The following KIAA1549L variants were observed in gnomAD, a reference collection of about 807,000 sequenced individuals.
The protein encoded by KIAA1549L is UPF0606 protein KIAA1549L.
Under a neutral mutation model 160.7 loss-of-function variants are expected in KIAA1549L, and 88 were observed. The ratio of observed to expected loss-of-function variants is 0.55; its 90% CI spans 0.46 to 0.65. KIAA1549L has a LOEUF of 0.65. KIAA1549L is among the 30% of genes least tolerant of loss of function. The pLI, the probability that KIAA1549L is intolerant of heterozygous loss-of-function variation, is 0.00. For missense variants in KIAA1549L, 2,258 were observed against 2,437.5 expected (o/e 0.93, Z 1.55); for synonymous variants, 950 against 976.7 (o/e 0.97, Z 0.51).
intron 13 of KIAA1549L, among the ~76,000 whole-genome samples, chr11:33,602,790 T>C (rs918482227): frequency 2.0e-5 from 3 of 152,252 alleles, no homozygotes; most frequent in Non-Finnish European, 4.4e-5. Context: ...TAATATTTAA[T>C]GTCTTTTAAT....
chr11:33,456,752 T>G (rs999555095), intron 1 of KIAA1549L, among the ~76,000 whole-genome samples: 15 of 152,214 alleles, frequency 9.9e-5, no homozygotes, highest in Non-Finnish European at 2.9e-5. Flanking sequence ...CTTTAGCTTT[T>G]CTAACTACTA....
At chr11:33,418,899 T>TTGGGTG (rs397975327) in intron 1 of KIAA1549L, among the ~76,000 whole-genome samples, 1 of 83,860 alleles carries the variant, frequency 1.2e-5, no homozygotes, top group Non-Finnish European at 2.8e-5. Flanking sequence ...TTTTTTTTTT[T>TTGGGTG]GGGTGGGGTG....
chr11:33,596,554 T>A (rs965272550), intron 12 of KIAA1549L, among the ~76,000 whole-genome samples: 20 of 152,216 alleles, frequency 1.3e-4, no homozygotes, highest in African/African-American at 4.6e-4. Context: ...CTGGGCAACA[T>A]GATGAAACCC....
chr11:33,492,633 A>T (rs1852707401), intron 1 of KIAA1549L, among the ~76,000 whole-genome samples: 1 of 152,164 alleles, frequency 6.6e-6, no homozygotes, highest in Non-Finnish European at 1.5e-5. Context: ...CACTGGAACA[A>T]TCTCCGAGAC....
chr11:33,562,090 ATTAAAG>A (rs1210403726), intron 8 of KIAA1549L, among the ~76,000 whole-genome samples: 1 of 152,190 alleles, frequency 6.6e-6, no homozygotes, highest in Non-Finnish European at 1.5e-5. Flanking sequence ...CAAAACCCAA[ATTAAAG>A]TTAGAGGAAG....
At chr11:33,625,336 T>C (rs1374168504) in intron 16 of KIAA1549L, among the ~76,000 whole-genome samples, 4 of 152,292 alleles carry the variant, frequency 2.6e-5, no homozygotes, top group African/African-American at 7.2e-5. Flanking sequence ...ATCGCCACAC[T>C]GACTTCCACA....
chr11:33,426,972 A>G (rs937763334), intron 1 of KIAA1549L, among the ~76,000 whole-genome samples: 2 of 152,154 alleles, frequency 1.3e-5, no homozygotes, highest in African/African-American at 4.8e-5. Flanking sequence ...GGGGCTATTA[A>G]TTGGTTTCTG....
rs1160018932 is a variant in KIAA1549L at position 33,568,297 on chromosome 11, CTAAA to C, written c.4230+74_4230+77del. On this transcript the variant is annotated intron_variant, in intron 9 of 20. Coordinates refer to ENST00000658780, the MANE Select transcript of KIAA1549L (RefSeq NM_012194.3). ...AGAGGGGGGGATGTGCTTCCTGAGA[CTAAA>C]TAAGTCAGTGTGCTCAGAGGAGCCT... is the stretch of plus-strand genomic sequence containing the variant. The C allele has an allele frequency of 2.3e-5, 34 of 1,448,772 alleles. No homozygotes were observed. The East Asian group carries it at 8.0e-4, about 34-fold the overall frequency. 89.7% of individuals were successfully genotyped at this position (1,448,772 alleles called of 1,614,324 possible).
chr11:33,622,298 C>T (rs865783016), intron 16 of KIAA1549L, among the ~76,000 whole-genome samples: 100 of 152,254 alleles, frequency 6.6e-4, no homozygotes, highest in African/African-American at 2.1e-3. Flanking sequence ...AGGAATTAGG[C>T]GCTCACAAAA....
chr11:33,544,718 C>T, intron 2 of KIAA1549L, 49 bp from the exon 3 acceptor site: 1 of 1,540,426 alleles, frequency 6.5e-7, no homozygotes, highest in Non-Finnish European at 8.7e-7. Context: ...GAACAAGTGA[C>T]ACGTGCATTC....
intron 1 of KIAA1549L, among the ~76,000 whole-genome samples, chr11:33,461,502 C>T (rs1253970474): frequency 1.3e-5 from 2 of 152,224 alleles, no homozygotes; most frequent in African/African-American, 2.4e-5. Context: ...GATCACTGAA[C>T]TGGGATCTTG....
intron 1 of KIAA1549L, among the ~76,000 whole-genome samples, chr11:33,408,781 C>CAAA (rs71034683): frequency 5.2e-5 from 6 of 115,310 alleles, no homozygotes; most frequent in Non-Finnish European, 1.0e-4. Context: ...ACTAAAAATA[C>CAAA]AAAAAAAAAA....
intron 16 of KIAA1549L, among the ~76,000 whole-genome samples, chr11:33,633,284 G>T (rs1051164360): frequency 2.6e-5 from 4 of 151,522 alleles, no homozygotes; most frequent in Non-Finnish European, 4.4e-5. Flanking sequence ...TTACAGGTGT[G>T]AGTCACTGCG....
At chr11:33,522,061 A>G (rs1853506459) in intron 1 of KIAA1549L, among the ~76,000 whole-genome samples, 1 of 152,236 alleles carries the variant, frequency 6.6e-6, no homozygotes, top group Non-Finnish European at 1.5e-5. Context: ...AATAAATGCT[A>G]TTTTGATATG....
At chr11:33,486,148 A>G (rs1318218940) in intron 1 of KIAA1549L, among the ~76,000 whole-genome samples, 1 of 152,202 alleles carries the variant, frequency 6.6e-6, no homozygotes, top group Non-Finnish European at 1.5e-5. Flanking sequence ...ACAATGAAAC[A>G]TCACCCTATA....
chr11:33,608,077 C>G (rs967100642), intron 14 of KIAA1549L, among the ~76,000 whole-genome samples: 3 of 152,112 alleles, frequency 2.0e-5, no homozygotes, highest in African/African-American at 7.2e-5. Context: ...TACAGCCTAC[C>G]AGAGAATAAT....
chr11:33,611,500 T>G (rs1850648455), intron 15 of KIAA1549L, among the ~76,000 whole-genome samples: 1 of 152,152 alleles, frequency 6.6e-6, no homozygotes, highest in Non-Finnish European at 1.5e-5. Flanking sequence ...ATGCTTCTAA[T>G]TAGGCTTTGT....
intron 1 of KIAA1549L, among the ~76,000 whole-genome samples, chr11:33,536,010 A>G (rs1048015522): frequency 5.9e-5 from 9 of 152,220 alleles, no homozygotes; most frequent in Non-Finnish European, 1.3e-4. Context: ...ATTAGCGTAG[A>G]CATAATTCTA....
At chr11:33,630,692 G>T (rs998130323) in intron 16 of KIAA1549L, among the ~76,000 whole-genome samples, 2 of 152,226 alleles carry the variant, frequency 1.3e-5, no homozygotes, top group African/African-American at 2.4e-5. Flanking sequence ...GCACTCCCTA[G>T]TGAGATGAAC....
Sources: gnomAD v4.1 joint callset for allele counts (sites outside exome capture counted in the v4.1 genomes callset) on GRCh38, gnomAD v4.1.1 for gene constraint, MANE v1.5 for transcripts, NCBI Gene and HGNC (gene_info 2026-07-23, HGNC 2026-07-21) for gene names.